UNC13C: variants seen among roughly 807,000 people sequenced by gnomAD.
UNC13C encodes the protein unc-13 homolog C, also known as protein unc-13 homolog C.
In UNC13C, 174 loss-of-function variants were observed where a neutral mutation model predicts 245.4. The observed-to-expected ratio is 0.71, with a 90% confidence interval of 0.63 to 0.80. The LOEUF (loss-of-function observed/expected upper bound fraction) is 0.80, where lower values mean the gene tolerates loss of function less well. UNC13C is among the 30% of genes least tolerant of loss of function. UNC13C has a pLI of 0.00. For missense variants in UNC13C, 2,829 were observed against 2,602.9 expected, an observed-to-expected ratio of 1.09 and a Z score of -1.89; for synonymous variants, 992 against 895.1, an observed-to-expected ratio of 1.11 and a Z score of -1.93.
Position 54,302,308 on chromosome 15 carries a change from G to A in UNC13C, c.4268+1935G>A, listed in dbSNP as rs60491186. ...TCTTTAGTTTAATTAGATCCCATTT[G>A]TCAATTTTGGCTTTTGTTGCCACTG... On this transcript the variant is annotated intron_variant, in intron 13 of 32. Transcript: ENST00000260323. Among the ~76,000 whole-genome samples, 480 of 152,196 alleles carry A rather than the reference G, an allele frequency of 3.2e-3. 2 individuals carry two copies. The highest frequency in any genetic ancestry group is 0.011 in the African/African-American group (461 of 41,540).
intron 2 of UNC13C, among the ~76,000 whole-genome samples, chr15:54,057,266 A>T (rs1195960157): frequency 6.6e-6 from 1 of 151,622 alleles, no homozygotes; most frequent in African/African-American, 2.4e-5. Context: ...ATGGAGGAAG[A>T]TCTACCAAGC....
chr15:54,616,440 T>A (rs1900436742), intron 30 of UNC13C, among the ~76,000 whole-genome samples: 1 of 151,934 alleles, frequency 6.6e-6, no homozygotes, highest in Non-Finnish European at 1.5e-5. Flanking sequence ...CTCCCAGTCA[T>A]AAAAAGTATA....
At chr15:53,850,340 C>A in the UNC13C span, among the ~76,000 whole-genome samples, 20,382 of 152,010 alleles carry the variant, frequency 0.13, 1,515 homozygotes, top group Admixed American at 0.21. Flanking sequence ...ACTTGAACCC[C>A]GGTGGTTGAG....
chr15:54,236,342 G>A (rs2035699470), intron 5 of UNC13C, 88 bp from the exon 6 acceptor site: 1 of 1,011,218 alleles, frequency 9.9e-7, no homozygotes, highest in Non-Finnish European at 1.5e-6. Flanking sequence ...TAAAGTGTTA[G>A]GCTAATTTAA....
At chr15:54,457,418 T>G (rs1009929420) in intron 19 of UNC13C, among the ~76,000 whole-genome samples, 2 of 152,160 alleles carry the variant, frequency 1.3e-5, no homozygotes, top group Non-Finnish European at 1.5e-5. Flanking sequence ...GACTTCTTCT[T>G]TCTCTATCTT....
intron 2 of UNC13C, among the ~76,000 whole-genome samples, chr15:54,038,120 ATATAT>A (rs1213521985): frequency 2.2e-5 from 1 of 45,204 alleles, no homozygotes; most frequent in Non-Finnish European, 3.6e-5. Context: ...ATATATATAT[ATATAT>A]TTTTTTTTTT....
chr15:53,962,753 A>G, the UNC13C span, among the ~76,000 whole-genome samples: 135 of 152,206 alleles, frequency 8.9e-4, no homozygotes, highest in Non-Finnish European at 1.1e-3. Flanking sequence ...CATGGTTTTT[A>G]GTGACTTTCT....
intron 2 of UNC13C, among the ~76,000 whole-genome samples, chr15:54,109,382 C>A (rs1900648904): frequency 7.6e-6 from 1 of 131,968 alleles, no homozygotes; most frequent in African/African-American, 2.8e-5. Flanking sequence ...TGCTCTGTCG[C>A]CCAGGCTAGA....
intron 2 of UNC13C, among the ~76,000 whole-genome samples, chr15:54,068,601 C>A (rs749709710): frequency 1.3e-4 from 20 of 152,120 alleles, no homozygotes; most frequent in African/African-American, 2.7e-4. Context: ...GTCTGCCAAA[C>A]ACTGCTAAAG....
At chr15:54,375,563 G>C (rs918971639) in intron 17 of UNC13C, among the ~76,000 whole-genome samples, 1 of 152,208 alleles carries the variant, frequency 6.6e-6, no homozygotes, top group African/African-American at 2.4e-5. Flanking sequence ...TCCTTAGTAA[G>C]TTTGAATTGA....
At chr15:54,512,363 A>C (rs1426650448) in intron 24 of UNC13C, 1 of 455,796 alleles carries the variant, frequency 2.2e-6, no homozygotes, top group African/African-American at 2.0e-5. Flanking sequence ...GGAAGGAGAA[A>C]GATTCTTTTA....
intron 4 of UNC13C, among the ~76,000 whole-genome samples, chr15:54,208,203 G>C (rs1003637260): frequency 2.0e-5 from 3 of 152,036 alleles, no homozygotes; most frequent in Non-Finnish European, 4.4e-5. Flanking sequence ...CATGAACTCA[G>C]AGCAAGAACT....
rs115497660 is a variant in UNC13C at position 54,465,718 on chromosome 15, A to T, written c.4934-28890A>T. On this transcript the variant is annotated intron_variant, in intron 19 of 32. Coordinates refer to ENST00000260323, the MANE Select transcript of UNC13C (RefSeq NM_001080534.3). The stretch of plus-strand genomic sequence containing the variant: ...AAAGTGTGGCATTTTAATATGACAG[A>T]TATTCGGCTAACAGGATTGGGGATA... Among the ~76,000 whole-genome samples, 1,388 of 152,176 alleles carry T rather than the reference A, an allele frequency of 9.1e-3. 23 individuals are homozygous for T. Among genetic ancestry groups the T allele is most frequent in the African/African-American group, 0.032 (1,341 of 41,550 alleles).
chr15:53,947,020 C>T, the UNC13C span, among the ~76,000 whole-genome samples: 1 of 152,116 alleles, frequency 6.6e-6, no homozygotes, highest in Admixed American at 6.6e-5. Context: ...GCTTGTTATG[C>T]TTGGAATGTA....
intron 30 of UNC13C, among the ~76,000 whole-genome samples, chr15:54,600,540 G>A (rs747643747): frequency 3.9e-5 from 6 of 151,964 alleles, no homozygotes; most frequent in Admixed American, 6.6e-5. Flanking sequence ...TGTCCCTATG[G>A]TACTGACCTA....
chr15:53,973,647 C>G (rs1435621253), upstream of UNC13C, among the ~76,000 whole-genome samples: 3 of 151,364 alleles, frequency 2.0e-5, no homozygotes, highest in African/African-American at 4.8e-5. Context: ...AATGCTGTGT[C>G]TTTTAAAAAA....
intron 19 of UNC13C, among the ~76,000 whole-genome samples, chr15:54,423,307 A>C (rs2040691598): frequency 6.6e-6 from 1 of 151,820 alleles, no homozygotes. Context: ...TCCTATTCAA[A>C]AAATAATAAT....
At chr15:54,358,668 C>T (rs6493677) in intron 17 of UNC13C, among the ~76,000 whole-genome samples, 71,146 of 151,804 alleles carry the variant, frequency 0.47, 17,026 homozygotes, top group East Asian at 0.73. Flanking sequence ...TTGTATGCTG[C>T]GGCTTTACTA....
intron 29 of UNC13C, among the ~76,000 whole-genome samples, chr15:54,563,435 C>T (rs1296528714): frequency 6.6e-6 from 1 of 151,898 alleles, no homozygotes; most frequent in Admixed American, 6.6e-5. Flanking sequence ...ATGACCTGTC[C>T]TAACTGTTTT....
Sources: allele counts gnomAD v4.1 joint callset (sites outside exome capture counted in the v4.1 genomes callset), GRCh38; gene constraint gnomAD v4.1.1; transcripts MANE v1.5; gene names NCBI Gene and HGNC (gene_info 2026-07-23, HGNC 2026-07-21).